EPHX4: variants seen among roughly 807,000 people sequenced by gnomAD.
The protein encoded by EPHX4 is epoxide hydrolase 4.
A neutral mutation model predicts 44.9 loss-of-function variants in EPHX4; 31 were observed. The observed-to-expected ratio is 0.69, with a 90% confidence interval of 0.52 to 0.93. EPHX4 has a LOEUF of 0.93. EPHX4 is among the 40% of genes least tolerant of loss of function. The probability of loss-of-function intolerance (pLI) is 0.00; values close to 1 mark genes in which losing one functional copy is unlikely to be tolerated. For missense variants in EPHX4, 373 were observed against 438.1 expected (o/e 0.85, Z 1.33); for synonymous variants, 151 against 159.7 (o/e 0.95, Z 0.41).
At chr1:92,038,310 C>T (rs894079907) in intron 2 of EPHX4, among the ~76,000 whole-genome samples, 4 of 152,114 alleles carry the variant, frequency 2.6e-5, no homozygotes, top group African/African-American at 9.7e-5. Flanking sequence ...GGTATTGAAA[C>T]AACGTGCAGT....
chr1:92,036,546 G>A (rs1401244599), intron 2 of EPHX4, among the ~76,000 whole-genome samples: 1 of 152,118 alleles, frequency 6.6e-6, no homozygotes, highest in African/African-American at 2.4e-5. Flanking sequence ...TTTAGTTTTT[G>A]GGAAGCTCCT....
chr1:92,030,063 C>CCCG lies in EPHX4; in HGVS notation c.-8_-6dup. 6.4e-7 allele frequency: 1 copy of CCCG among 1,559,446 alleles called. No homozygotes were observed. Among genetic ancestry groups the CCCG allele is most frequent in the Non-Finnish European group, 8.7e-7 (1 of 1,155,894 alleles). ...CCGCTCCCGAGGAAGGGCAGTGGGCCCCGCCGCCGCCTCCCAATGGCGAGG... is the reference window on the plus strand; with the variant it reads ...CCGCTCCCGAGGAAGGGCAGTGGGCCCCGCCGCCGCCGCCTCCCAATGGCGAGG... On this transcript the variant is annotated 5_prime_UTR_variant, in exon 1 of 7. Coordinates refer to ENST00000370383, the MANE Select transcript of EPHX4 (RefSeq NM_173567.5).
At chr1:92,057,721 T>C (rs1464715196) in intron 6 of EPHX4, among the ~76,000 whole-genome samples, 1 of 152,020 alleles carries the variant, frequency 6.6e-6, no homozygotes, top group African/African-American at 2.4e-5. Flanking sequence ...TGCCTCAGCC[T>C]CCCGAGTACC....
At chr1:92,038,365 G>A (rs915886839) in intron 2 of EPHX4, among the ~76,000 whole-genome samples, 74 of 152,290 alleles carry the variant, frequency 4.9e-4, no homozygotes, top group African/African-American at 1.4e-3. Flanking sequence ...ATTTGGGACC[G>A]TTAGCTGTCA....
At position 92,050,408 on chromosome 1, in the gene EPHX4, A is replaced by C; in HGVS notation, c.696A>C (p.Ile232=). 1 of 1,578,322 alleles carries C rather than the reference A, an allele frequency of 6.3e-7. No homozygotes were observed. Residue 232 remains isoleucine (I), a synonymous_variant, in exon 5 of 7, where the codon ATA becomes ATC. Transcript: ENST00000370383. ...IPWFPEFMFS[I]NDFKVLKHLF... is the part of the protein sequence containing the mutation. ...GGTTCCCAGAATTTATGTTCTCAAT[A>C]AATGATTTCAAGGTAAGCCAAACAA... is the stretch of plus-strand genomic sequence containing the variant.
Position 92,060,081 on chromosome 1 carries a change from G to A in EPHX4, c.858-2974G>A, listed in dbSNP as rs542957189. Among the ~76,000 whole-genome samples the A allele has an allele frequency of 3.3e-5, 5 of 151,686 alleles. No individual in the cohort carries two copies. In the South Asian group the frequency reaches 6.3e-4, roughly 19 times the overall value. Reference sequence around the variant, plus strand: ...GTATAAACTACTGAAAACCAGCTCTGGTTTATCATGTTCATGAGTGGAAAA... The same window carrying A: ...GTATAAACTACTGAAAACCAGCTCTAGTTTATCATGTTCATGAGTGGAAAA... On this transcript the variant is annotated intron_variant, in intron 6 of 6. Transcript: ENST00000370383.
At chr1:92,056,934 CAT>C (rs1238434020) in intron 6 of EPHX4, among the ~76,000 whole-genome samples, 1 of 152,010 alleles carries the variant, frequency 6.6e-6, no homozygotes, top group Non-Finnish European at 1.5e-5. Flanking sequence ...TAGAAAACCT[CAT>C]ATATACAGAA....
chr1:92,040,934 G>C (rs1688500220), intron 2 of EPHX4, among the ~76,000 whole-genome samples: 1 of 151,946 alleles, frequency 6.6e-6, no homozygotes, highest in Admixed American at 6.6e-5. Context: ...CACTTGGCTT[G>C]TGTCAGATAA....
rs1308767732 is a variant in EPHX4 at position 92,063,145 on chromosome 1, A to C, written c.948A>C (p.Glu316Asp). ...NDAFMEVEMA[E>D]VTKIYVKNYF... ...CATTCATGGAGGTTGAGATGGCTGA[A>C]GTCACAAAGATTTATGTTAAAAACT... The change falls in exon 7 of 7, where the codon GAA becomes GAC. Residue 316 changes from glutamate to aspartate, a missense_variant. By Grantham distance (45) the Glu-to-Asp change is conservative (BLOSUM62 2). Transcript: ENST00000370383. The C allele has an allele frequency of 6.2e-7, 1 of 1,614,202 alleles. No homozygotes were observed. Among genetic ancestry groups the C allele is most frequent in the Non-Finnish European group, 8.5e-7 (1 of 1,180,028 alleles).
chr1:92,037,269 C>T (rs894579128), intron 2 of EPHX4, among the ~76,000 whole-genome samples: 1 of 152,104 alleles, frequency 6.6e-6, no homozygotes, highest in African/African-American at 2.4e-5. Context: ...AAGCACCATG[C>T]AAATGTAACA....
At position 92,063,310 on chromosome 1, in the gene EPHX4, G is replaced by A. The variant is rs780309545; in HGVS notation, c.*24G>A. 18 of 1,471,002 alleles carry A rather than the reference G, an allele frequency of 1.2e-5. No individual in the cohort carries two copies. The South Asian group carries it at 2.4e-4, about 20-fold the overall frequency. 91.1% of individuals were successfully genotyped at this position (1,471,002 alleles called of 1,614,324 possible). ...GACTTTTCTTTATCTTCTATGAAGG[G>A]TCTGTAATGAAATCTCTAAATAATT... On this transcript the variant is annotated 3_prime_UTR_variant, in exon 7 of 7. Coordinates refer to ENST00000370383, the MANE Select transcript of EPHX4 (RefSeq NM_173567.5).
intron 2 of EPHX4, among the ~76,000 whole-genome samples, chr1:92,034,645 C>CT (rs55868882): frequency 0.11 from 15,983 of 146,118 alleles, 1,363 homozygotes; most frequent in East Asian, 0.42. Context: ...TAAGACGCTT[C>CT]TTTTTTTTTT....
chr1:92,059,573 GTATCTAGA>G (rs1298239947), intron 6 of EPHX4, among the ~76,000 whole-genome samples: 1 of 152,104 alleles, frequency 6.6e-6, no homozygotes, highest in African/African-American at 2.4e-5. Flanking sequence ...ATGTGTTTAT[GTATCTAGA>G]AAAAACAGGA....
chr1:92,030,820 A>C (rs984479457), intron 1 of EPHX4, among the ~76,000 whole-genome samples: 1 of 152,142 alleles, frequency 6.6e-6, no homozygotes, highest in African/African-American at 2.4e-5. Context: ...ATCACAGACG[A>C]CTTAGGTTGC....
intron 5 of EPHX4, 79 bp downstream of exon 5, chr1:92,050,499 A>G: frequency 2.5e-6 from 2 of 785,074 alleles, no homozygotes; most frequent in South Asian, 2.4e-5. Context: ...GTTTAAGAAG[A>G]ATAATGAAAA....
intron 1 of EPHX4, among the ~76,000 whole-genome samples, chr1:92,031,148 A>G (rs1176807023): frequency 6.6e-6 from 1 of 152,234 alleles, no homozygotes; most frequent in Non-Finnish European, 1.5e-5. Context: ...GAAGGGCAAG[A>G]GAACTTCTTT....
At chr1:92,044,272 AAG>A (rs2101870203) in intron 3 of EPHX4, among the ~76,000 whole-genome samples, 1 of 152,292 alleles carries the variant, frequency 6.6e-6, no homozygotes, top group South Asian at 2.1e-4. Flanking sequence ...ATTACAGTAA[AAG>A]AGACTCAGAC....
At chr1:92,050,057 C>T (rs1359234836) in intron 4 of EPHX4, among the ~76,000 whole-genome samples, 1 of 151,748 alleles carries the variant, frequency 6.6e-6, no homozygotes, top group Non-Finnish European at 1.5e-5. Flanking sequence ...TGAGATCGCG[C>T]CATTGCACTC....
chr1:92,062,068 C>T (rs968732645), intron 6 of EPHX4, among the ~76,000 whole-genome samples: 7 of 151,908 alleles, frequency 4.6e-5, no homozygotes, highest in Non-Finnish European at 1.0e-4. Flanking sequence ...CATATATATA[C>T]ACAACAAAAA....
Sources: allele counts gnomAD v4.1 joint callset (sites outside exome capture counted in the v4.1 genomes callset), GRCh38; gene constraint gnomAD v4.1.1; transcripts MANE v1.5; gene names NCBI Gene and HGNC (gene_info 2026-07-23, HGNC 2026-07-21).